The following CAB39L variants were observed in gnomAD, a reference collection of about 807,000 sequenced individuals.
CAB39L encodes the protein calcium-binding protein 39-like.
In CAB39L, 23 loss-of-function variants were observed where a neutral mutation model predicts 39.1. That is an observed-to-expected ratio of 0.59 (90% CI 0.42 to 0.83). The LOEUF is 0.83. CAB39L is among the 40% of genes least tolerant of loss of function. CAB39L has a pLI of 0.00. For synonymous variants in CAB39L, 126 were observed against 137.2 expected (o/e 0.92, Z 0.57); for missense variants, 366 against 391.9 (o/e 0.93, Z 0.56).
At chr13:49,349,270 T>C (rs1955270796) in intron 7 of CAB39L, among the ~76,000 whole-genome samples, 1 of 152,050 alleles carries the variant, frequency 6.6e-6, no homozygotes, top group Non-Finnish European at 1.5e-5. Context: ...ACTATATCGA[T>C]ATTATTGAAA....
rs572638907 is a variant in CAB39L at position 49,389,792 on chromosome 13, T to C, written c.-31-6851A>G. Among the ~76,000 whole-genome samples, 30 of 152,324 alleles carry C rather than the reference T, an allele frequency of 2.0e-4. No homozygotes were observed. In the South Asian group the frequency reaches 6.0e-3, roughly 31 times the overall value. On this transcript the variant is annotated intron_variant, in intron 3 of 10. Transcript: ENST00000409308. Reference sequence around the variant, plus strand: ...TAGTGTGAGTTGCAGTTATCACCCATCCTTCCTAACATTTGGACCTGTCAG... The same window carrying C: ...TAGTGTGAGTTGCAGTTATCACCCACCCTTCCTAACATTTGGACCTGTCAG...
At chr13:49,365,822 T>C (rs974579408) in intron 5 of CAB39L, among the ~76,000 whole-genome samples, 2 of 151,442 alleles carry the variant, frequency 1.3e-5, no homozygotes, top group African/African-American at 2.4e-5. Context: ...AGGAAATCAG[T>C]ATATCAAAGA....
At chr13:49,383,429 T>C (rs1452568723) in intron 3 of CAB39L, among the ~76,000 whole-genome samples, 1 of 152,224 alleles carries the variant, frequency 6.6e-6, no homozygotes, top group Non-Finnish European at 1.5e-5. Flanking sequence ...TTTCTGGCTC[T>C]TTGAGTCAAT....
At chr13:49,366,179 A>C (rs1327314264) in intron 5 of CAB39L, among the ~76,000 whole-genome samples, 1 of 152,126 alleles carries the variant, frequency 6.6e-6, no homozygotes, top group Non-Finnish European at 1.5e-5. Flanking sequence ...GGAGTGTGTC[A>C]GGGTGAGATG....
chr13:49,431,711 AAAAATAAAAAACAAAAAAT>A (rs1163833138), intron 3 of CAB39L, among the ~76,000 whole-genome samples: 11 of 152,166 alleles, frequency 7.2e-5, no homozygotes, highest in South Asian at 4.1e-4. Flanking sequence ...TGTCTTAAAA[AAAAATAAAAAACAAAAAAT>A]AAAATAAAAA....
intron 3 of CAB39L, among the ~76,000 whole-genome samples, chr13:49,400,168 G>C (rs886371569): frequency 6.6e-6 from 1 of 152,044 alleles, no homozygotes; most frequent in South Asian, 2.1e-4. Flanking sequence ...AATAACTAAA[G>C]ACATATATAT....
At chr13:49,344,991 A>T (rs907597134) in intron 7 of CAB39L, among the ~76,000 whole-genome samples, 2 of 152,184 alleles carry the variant, frequency 1.3e-5, no homozygotes, top group Admixed American at 1.3e-4. Flanking sequence ...AAAACTGAAC[A>T]AAGCATGAAG....
intron 3 of CAB39L, among the ~76,000 whole-genome samples, chr13:49,388,031 G>C (rs1015038428): frequency 6.6e-6 from 1 of 152,308 alleles, no homozygotes; most frequent in Middle Eastern, 3.4e-3. Context: ...ACGATGTAGT[G>C]AGAGACACAG....
At chr13:49,390,753 A>T (rs74072569) in intron 3 of CAB39L, among the ~76,000 whole-genome samples, 3,176 of 152,282 alleles carry the variant, frequency 0.021, 122 homozygotes, top group African/African-American at 0.072. Context: ...AGGGTATAGA[A>T]TTGAAAAACA....
chr13:49,406,512 A>G (rs1456910738), intron 3 of CAB39L, among the ~76,000 whole-genome samples: 2 of 151,772 alleles, frequency 1.3e-5, no homozygotes, highest in Non-Finnish European at 2.9e-5. Flanking sequence ...ATTGACGAAT[A>G]GTTGAGATGA....
At chr13:49,378,734 C>G (rs1226487788) in intron 4 of CAB39L, among the ~76,000 whole-genome samples, 3 of 52,822 alleles carry the variant, frequency 5.7e-5, no homozygotes, top group East Asian at 7.5e-4. Context: ...GCCCCCCGCC[C>G]GGCCAGCCGC....
intron 6 of CAB39L, among the ~76,000 whole-genome samples, chr13:49,356,021 T>C (rs1373375347): frequency 6.6e-6 from 1 of 152,090 alleles, no homozygotes; most frequent in African/African-American, 2.4e-5. Flanking sequence ...ACAAAAGGAA[T>C]GACAGAATTC....
chr13:49,343,208 TCAC>T (rs1955052702), intron 8 of CAB39L, among the ~76,000 whole-genome samples: 1 of 152,212 alleles, frequency 6.6e-6, no homozygotes, highest in Non-Finnish European at 1.5e-5. Flanking sequence ...GATGGATCTG[TCAC>T]CACCAAATGT....
intron 1 of CAB39L, 70 bp from the exon 2 acceptor site, chr13:49,434,293 T>C: frequency 7.6e-6 from 3 of 395,740 alleles, no homozygotes; most frequent in Non-Finnish European, 1.5e-5. Context: ...CTCAATCTTC[T>C]ACTTAGTAAC....
At chr13:49,350,595 TTTACAGA>T in intron 7 of CAB39L, 142 bp downstream of exon 7, 1 of 566,422 alleles carries the variant, frequency 1.8e-6, no homozygotes, top group Non-Finnish European at 3.1e-6. Context: ...CTGCATTCTA[TTTACAGA>T]TTCCTCTTAT....
chr13:49,362,660 A>G (rs927156755), intron 5 of CAB39L, among the ~76,000 whole-genome samples: 2 of 152,074 alleles, frequency 1.3e-5, no homozygotes, highest in African/African-American at 4.8e-5. Context: ...AGGTAGAAAA[A>G]GAGATAGGGG....
intron 9 of CAB39L, among the ~76,000 whole-genome samples, chr13:49,338,783 A>G (rs1954920467): frequency 6.6e-6 from 1 of 152,216 alleles, no homozygotes. Flanking sequence ...GGGAATGACC[A>G]TGTTTCATAT....
intron 3 of CAB39L, among the ~76,000 whole-genome samples, chr13:49,421,701 C>T (rs1441595242): frequency 6.6e-6 from 1 of 151,954 alleles, no homozygotes; most frequent in Non-Finnish European, 1.5e-5. Flanking sequence ...AGAGGGGTAC[C>T]AGTGGAGGCC....
At chr13:49,407,918 A>G (rs890105107) in intron 3 of CAB39L, among the ~76,000 whole-genome samples, 2 of 148,020 alleles carry the variant, frequency 1.4e-5, no homozygotes, top group Non-Finnish European at 3.0e-5. Context: ...AGCAAATGCT[A>G]TGTGAATGAT....
Sources: gnomAD v4.1 joint callset for allele counts (sites outside exome capture counted in the v4.1 genomes callset) on GRCh38, gnomAD v4.1.1 for gene constraint, MANE v1.5 for transcripts, NCBI Gene and HGNC (gene_info 2026-07-23, HGNC 2026-07-21) for gene names.